GAS7: variants seen among roughly 807,000 people sequenced by gnomAD.
The protein encoded by GAS7 is growth arrest-specific protein 7.
A neutral mutation model predicts 71.1 loss-of-function variants in GAS7; 28 were observed. The ratio of observed to expected loss-of-function variants is 0.39; its 90% confidence interval spans 0.29 to 0.54. GAS7 has a LOEUF of 0.54. Ranked by LOEUF, GAS7 falls within the 20% of genes least tolerant of loss-of-function variation. GAS7 has a pLI of 0.62. For synonymous variants in GAS7, 258 were observed against 245.8 expected, an observed-to-expected ratio of 1.05 and a Z score of -0.46; for missense variants, 436 against 627.8, an observed-to-expected ratio of 0.69 and a Z score of 3.27.
intron 2 of GAS7, among the ~76,000 whole-genome samples, chr17:10,003,883 G>A (rs1275424070): frequency 1.3e-5 from 2 of 152,180 alleles, no homozygotes; most frequent in East Asian, 1.9e-4. Context: ...TTGGATGAGT[G>A]CTACCTACTT....
chr17:9,926,629 T>C lies in GAS7; in HGVS notation c.1014+12A>G. On this transcript the variant is annotated intron_variant, in intron 10 of 13. Coordinates refer to ENST00000432992, the MANE Select transcript of GAS7 (RefSeq NM_201433.2). This position sits in a 1 kb window ranked among gnomAD's most constrained non-coding sequence, Gnocchi z 5.0. ...ATGCACCTGCCCTGGCCCAGCGTCC[T>C]GGGCCTCTCACCTTCTCCACCGAGG... 1 of 1,612,662 alleles carries C rather than the reference T, an allele frequency of 6.2e-7. No individual in the cohort carries two copies. The highest frequency in any genetic ancestry group is 8.5e-7 in the Non-Finnish European group (1 of 1,179,990).
At position 10,065,985 on chromosome 17, in the gene GAS7, C is replaced by T. The variant is rs189621551; in HGVS notation, c.184-46088G>A. ...TTGGGAGCCCCAAAGGAGGTCTATC[C>T]GGAGCTCAAGTTAGGGGGCTGTATG... On this transcript the variant is annotated intron_variant, in intron 1 of 13. Transcript: ENST00000432992. 7.2e-4 allele frequency among the ~76,000 whole-genome samples: 109 copies of T among 151,664 alleles called. 2 individuals carry two copies. In the South Asian group the frequency reaches 7.7e-3, roughly 11 times the overall value.
intron 1 of GAS7, among the ~76,000 whole-genome samples, chr17:10,023,012 C>T (rs555428910): frequency 2.6e-5 from 4 of 152,278 alleles, no homozygotes; most frequent in South Asian, 4.1e-4. Flanking sequence ...ATAATGATGC[C>T]GTCCCTTCTC....
chr17:10,077,935 G>T (rs1437920081), intron 1 of GAS7, among the ~76,000 whole-genome samples: 2 of 152,184 alleles, frequency 1.3e-5, no homozygotes, highest in East Asian at 3.8e-4. Flanking sequence ...CAGACTTGAA[G>T]AGCAACAGAC....
intron 1 of GAS7, among the ~76,000 whole-genome samples, chr17:10,107,716 G>A (rs934706370): frequency 6.6e-6 from 1 of 151,062 alleles, no homozygotes; most frequent in Non-Finnish European, 1.5e-5. Flanking sequence ...GTGGCAGGCT[G>A]AGCAGGGGAA....
At chr17:10,067,377 T>C (rs1386378886) in intron 1 of GAS7, among the ~76,000 whole-genome samples, 1 of 152,182 alleles carries the variant, frequency 6.6e-6, no homozygotes, top group Non-Finnish European at 1.5e-5. Flanking sequence ...CCCAAGTAGC[T>C]GGGACTATAG....
In GAS7 at chr17:9,916,978, G is replaced by T; in HGVS notation, c.*250C>A. ...GCCTCTGTTTGTTTCAGAGCGGCAA[G>T]CACAGCATGGGAGTCAGGGGGTCTT... On this transcript the variant is annotated 3_prime_UTR_variant, in exon 14 of 14. Transcript: ENST00000432992. 1.8e-6 allele frequency: 1 copy of T among 548,564 alleles called. No homozygotes were observed. Among genetic ancestry groups the T allele is most frequent in the Non-Finnish European group, 3.3e-6 (1 of 307,550 alleles). 34.0% of individuals were successfully genotyped at this position (548,564 alleles called of 1,614,324 possible). A position where few individuals can be genotyped will look rare whatever the true frequency, so the allele number is the denominator to read the frequency against.
intron 1 of GAS7, among the ~76,000 whole-genome samples, chr17:10,031,655 G>A (rs936386667): frequency 1.3e-5 from 2 of 152,192 alleles, no homozygotes; most frequent in South Asian, 2.1e-4. Context: ...TATGGTCGTT[G>A]CACCTGCTGT....
chr17:9,999,789 C>A (rs7223636), intron 2 of GAS7, among the ~76,000 whole-genome samples: 20,321 of 152,030 alleles, frequency 0.13, 1,806 homozygotes, highest in African/African-American at 0.25. Context: ...TATTCTCAAA[C>A]GTCAAAAATG....
rs770677418 is a variant in GAS7, at chr17:9,933,514, T to C, written c.885+652A>G. 2.0e-5 allele frequency among the ~76,000 whole-genome samples: 3 copies of C among 152,172 alleles called. No individual in the cohort carries two copies. In the East Asian group the frequency reaches 5.8e-4, roughly 29 times the overall value. ...ACGGCCATTATCAAAAAGGAAATGA[T>C]ATGAACTTATAATTGAATAAAAATT... On this transcript the variant is annotated intron_variant, in intron 9 of 13. Transcript: ENST00000432992.
At chr17:10,183,605 C>T (rs542191214) in intron 1 of GAS7, among the ~76,000 whole-genome samples, 4 of 152,234 alleles carry the variant, frequency 2.6e-5, no homozygotes, top group African/African-American at 4.8e-5. Flanking sequence ...TTTGGGAGGC[C>T]GACACGGGCG....
intron 2 of GAS7, among the ~76,000 whole-genome samples, chr17:9,990,371 AG>A (rs1418439616): frequency 6.6e-6 from 1 of 152,242 alleles, no homozygotes; most frequent in Non-Finnish European, 1.5e-5. Flanking sequence ...CTTCGCCCAG[AG>A]CGAGCGAGCC....
intron 2 of GAS7, among the ~76,000 whole-genome samples, chr17:10,013,569 T>G (rs2071867894): frequency 6.6e-6 from 1 of 152,204 alleles, no homozygotes; most frequent in Admixed American, 6.5e-5. Context: ...AGATGGGGAC[T>G]TCCCAAAGTC....
intron 1 of GAS7, among the ~76,000 whole-genome samples, chr17:10,142,024 C>T (rs1450107716): frequency 2.6e-5 from 4 of 151,812 alleles, no homozygotes; most frequent in South Asian, 4.1e-4. Flanking sequence ...GTCAGGAGAT[C>T]AAGACCATCC....
rs769246036 is a variant in GAS7 at position 9,934,254 on chromosome 17, A to T, written c.807-10T>A. 6.3e-7 allele frequency: 1 copy of T among 1,590,562 alleles called. No individual in the cohort carries two copies. Among genetic ancestry groups the T allele is most frequent in the Admixed American group, 1.7e-5 (1 of 59,502 alleles). ...CGCCTCTCCCAAGGAGCTGCAACAC[A>T]AAGACCATGAGACTCAGGTCACAAG... On this transcript the variant is annotated splice_polypyrimidine_tract_variant and intron_variant, in intron 8 of 13. Coordinates refer to ENST00000432992, the MANE Select transcript of GAS7 (RefSeq NM_201433.2).
intron 1 of GAS7, among the ~76,000 whole-genome samples, chr17:10,099,225 T>TGC (rs1206223086): frequency 6.6e-6 from 1 of 152,126 alleles, no homozygotes; most frequent in East Asian, 1.9e-4. Context: ...ACCCTCCCTC[T>TGC]GCCCACCCAT....
At chr17:10,037,643 C>T (rs1185306186) in intron 1 of GAS7, among the ~76,000 whole-genome samples, 1 of 151,772 alleles carries the variant, frequency 6.6e-6, no homozygotes, top group African/African-American at 2.4e-5. Context: ...AGCTCCAAGA[C>T]CCTGGGCAAC....
At chr17:10,133,738 C>G (rs1309526539) in intron 1 of GAS7, among the ~76,000 whole-genome samples, 1 of 141,460 alleles carries the variant, frequency 7.1e-6, no homozygotes, top group Non-Finnish European at 1.5e-5. Flanking sequence ...CCATTCTACT[C>G]TTTGCTTCTA....
In GAS7 at chr17:10,174,553, G is replaced by A. The variant is rs373909269; in HGVS notation, c.183+23655C>T. 5.9e-5 allele frequency among the ~76,000 whole-genome samples: 9 copies of A among 151,982 alleles called. No individual in the cohort carries two copies. The South Asian group carries it at 6.2e-4, about 10-fold the overall frequency. ...TAAAAATACAAAAAATTAGCCGGGC[G>A]CAGTGGCGGGCGCCTGTAGTCCCAG... On this transcript the variant is annotated intron_variant, in intron 1 of 13. Transcript: ENST00000432992.
Sources: allele counts gnomAD v4.1 joint callset (sites outside exome capture counted in the v4.1 genomes callset), GRCh38; gene constraint gnomAD v4.1.1; non-coding constraint Gnocchi (gnomAD v3.1); transcripts MANE v1.5; gene names NCBI Gene and HGNC (gene_info 2026-07-23, HGNC 2026-07-21).